Variants in CHN2 observed in about 807,000 individuals in gnomAD.
CHN2 encodes the protein beta-chimaerin.
CHN2 carries 35 observed loss-of-function variants against 56.3 expected under a neutral mutation model. That is an observed-to-expected ratio of 0.62 (90% CI 0.47 to 0.82). The LOEUF (loss-of-function observed/expected upper bound fraction) is 0.82. Ranked by LOEUF, CHN2 falls within the 40% of genes least tolerant of loss-of-function variation. CHN2 has a pLI of 0.00. For synonymous variants in CHN2, 210 were observed against 212.8 expected, an observed-to-expected ratio of 0.99 and a Z score of 0.12; for missense variants, 491 against 580.5, an observed-to-expected ratio of 0.85 and a Z score of 1.58.
In CHN2 at chr7:29,509,379, T is replaced by G; in HGVS notation, c.1208T>G (p.Leu403Arg). The G allele has an allele frequency of 6.2e-7, 1 of 1,613,822 alleles. No individual in the cohort carries two copies. The highest frequency in any genetic ancestry group is 8.5e-7 in the Non-Finnish European group (1 of 1,179,804). ...MLLPPAHYET[L>R]RYLMIHLKKV... ...CTGCCTCCTGCCCACTATGAAACCC[T>G]CCGGTACCTAATGATCCACCTCAAA... The change falls in exon 12 of 13, where the codon CTC (leucine) becomes CGC (arginine). Residue 403 changes from leucine (L) to arginine (R), a missense_variant. Coordinates refer to ENST00000222792, the MANE Select transcript of CHN2 (RefSeq NM_004067.4).
In CHN2 at chr7:29,303,327, G is replaced by A. The variant is rs1338195657; in HGVS notation, c.50-51298G>A. Reference sequence around the variant, plus strand: ...TTGATGCGCCGCCTTTGGGGCCTGCGGGAATCATTCACCTGTTCTTGTGAT... The same window carrying A: ...TTGATGCGCCGCCTTTGGGGCCTGCAGGAATCATTCACCTGTTCTTGTGAT... On this transcript the variant is annotated intron_variant, in intron 1 of 12. Coordinates refer to ENST00000222792, the MANE Select transcript of CHN2 (RefSeq NM_004067.4). Among the ~76,000 whole-genome samples, 3 of 152,190 alleles carry A rather than the reference G, an allele frequency of 2.0e-5. No homozygotes were observed. The East Asian group carries it at 5.8e-4, about 29-fold the overall frequency.
At chr7:29,511,864 G>T (rs1206122537) in intron 12 of CHN2, among the ~76,000 whole-genome samples, 1 of 152,108 alleles carries the variant, frequency 6.6e-6, no homozygotes. Context: ...CATGAGGAAG[G>T]TGTTAAACCA....
chr7:29,482,820 T>C (rs1464840393), intron 7 of CHN2, among the ~76,000 whole-genome samples: 34 of 80,520 alleles, frequency 4.2e-4, no homozygotes, highest in South Asian at 5.6e-4. Context: ...TTTTTTTTTT[T>C]TTTTTTTTTT....
chr7:29,233,482 C>G (rs567430996), intron 1 of CHN2, among the ~76,000 whole-genome samples: 1 of 152,134 alleles, frequency 6.6e-6, no homozygotes, highest in East Asian at 1.9e-4. Flanking sequence ...ATGTCGACTT[C>G]CACTTGGAAC....
intron 6 of CHN2, among the ~76,000 whole-genome samples, chr7:29,412,060 T>C (rs1226954745): frequency 6.6e-6 from 1 of 152,174 alleles, no homozygotes; most frequent in Admixed American, 6.5e-5. Context: ...AAGTTCAGGT[T>C]CATTTTAATT....
chr7:29,224,568 A>G (rs770524629), intron 1 of CHN2, among the ~76,000 whole-genome samples: 1 of 152,192 alleles, frequency 6.6e-6, no homozygotes, highest in Non-Finnish European at 1.5e-5. Flanking sequence ...TAGTCACTTA[A>G]TATCTTTGTC....
In CHN2 at chr7:29,461,860, ATGG is replaced by A. The variant is rs879664090; in HGVS notation, c.577-18418_577-18416del. Among the ~76,000 whole-genome samples, 1,278 of 152,152 alleles carry A rather than the reference ATGG, an allele frequency of 8.4e-3. 18 individuals carry two copies. Among genetic ancestry groups the A allele is most frequent in the African/African-American group, 0.028 (1,149 of 41,496 alleles). Reference sequence around the variant, plus strand: ...GATGGATGGATGGATGGATGGATGGATGGATGGATGGAAGGAAGAGAGAGGATG... The same window carrying A: ...GATGGATGGATGGATGGATGGATGGAATGGATGGAAGGAAGAGAGAGGATG... On this transcript the variant is annotated intron_variant, in intron 6 of 12. Transcript: ENST00000222792.
At chr7:29,328,770 T>C (rs940618321) in intron 1 of CHN2, among the ~76,000 whole-genome samples, 3 of 152,148 alleles carry the variant, frequency 2.0e-5, no homozygotes, top group African/African-American at 7.2e-5. Flanking sequence ...TTGTTTCTCC[T>C]TGTGCCTTAT....
chr7:29,304,819 T>G (rs1446744361), intron 1 of CHN2, among the ~76,000 whole-genome samples: 1 of 152,156 alleles, frequency 6.6e-6, no homozygotes, highest in Non-Finnish European at 1.5e-5. Context: ...CTGGACCTCT[T>G]GAATGGTTTA....
chr7:29,466,497 C>T (rs1023782356), intron 6 of CHN2, among the ~76,000 whole-genome samples: 3 of 152,126 alleles, frequency 2.0e-5, no homozygotes, highest in Admixed American at 2.0e-4. Flanking sequence ...AGGGATTTAA[C>T]CTAAATCATG....
Position 29,250,435 on chromosome 7 carries a change from C to T in CHN2, c.49+55445C>T, listed in dbSNP as rs115787541. ...CAGATAGGAGATTAACCTAGTTATG[C>T]TTCACCCATGTAAGGAGTGCATGTC... On this transcript the variant is annotated intron_variant, in intron 1 of 12. Transcript: ENST00000222792. 8.9e-3 allele frequency among the ~76,000 whole-genome samples: 1,362 copies of T among 152,298 alleles called. 19 individuals are homozygous for T. The highest frequency in any genetic ancestry group is 0.03 in the African/African-American group (1,257 of 41,566).
At chr7:29,173,949 C>A (rs192338093) in intron 2 of CHN2, among the ~76,000 whole-genome samples, 2,732 of 115,700 alleles carry the variant, frequency 0.024, 32 homozygotes, top group Admixed American at 0.044. Flanking sequence ...GAGACTGACT[C>A]AAAAAAAAAA....
chr7:29,193,688 C>G (rs527346456), upstream of CHN2: 1 of 152,214 alleles, frequency 6.6e-6, no homozygotes, highest in Non-Finnish European at 1.5e-5. Flanking sequence ...AAGGGACACA[C>G]CTTGTGCTCG....
chr7:29,188,542 A>T (rs73684610), intron 2 of CHN2, among the ~76,000 whole-genome samples: 5,435 of 149,808 alleles, frequency 0.036, 137 homozygotes, highest in African/African-American at 0.08. Flanking sequence ...TTTTTTTTTT[A>T]AAAAAAAGAG....
At chr7:29,258,109 T>G (rs913609030) in intron 1 of CHN2, among the ~76,000 whole-genome samples, 2 of 152,182 alleles carry the variant, frequency 1.3e-5, no homozygotes, top group Non-Finnish European at 2.9e-5. Context: ...GATGAAATAC[T>G]ACTTTCATCT....
chr7:29,408,553 G>A (rs933704074), intron 6 of CHN2, among the ~76,000 whole-genome samples: 2 of 152,176 alleles, frequency 1.3e-5, no homozygotes, highest in African/African-American at 4.8e-5. Context: ...AACTCTGGTG[G>A]CTACAGTTAC....
chr7:29,370,592 A>G (rs1016748008), intron 3 of CHN2, among the ~76,000 whole-genome samples: 1 of 152,030 alleles, frequency 6.6e-6, no homozygotes, highest in African/African-American at 2.4e-5. Flanking sequence ...TGGTAGCTCC[A>G]GTATACTCAA....
Position 29,367,920 on chromosome 7 carries a change from CTT to C in CHN2, c.89-7_89-6del. ...TAATTATTTCTCTCTCTCTCTCTCT[CTT>C]TTTTGGCAGTATATCAGTTACAGCA... On this transcript the variant is annotated splice_polypyrimidine_tract_variant and intron_variant, in intron 2 of 12. Coordinates refer to ENST00000222792, the MANE Select transcript of CHN2 (RefSeq NM_004067.4). The C allele has an allele frequency of 3.1e-6, 5 of 1,590,492 alleles. No individual in the cohort carries two copies. The highest frequency in any genetic ancestry group is 1.7e-5 in the Admixed American group (1 of 57,692).
chr7:29,263,201 G>A (rs548666563), intron 1 of CHN2, among the ~76,000 whole-genome samples: 129 of 152,290 alleles, frequency 8.5e-4, no homozygotes, highest in Admixed American at 2.0e-3. Context: ...ACTGGTTTTC[G>A]TATTTTTTGG....
Sources: allele counts gnomAD v4.1 joint callset (sites outside exome capture counted in the v4.1 genomes callset), GRCh38; gene constraint gnomAD v4.1.1; transcripts MANE v1.5; gene names NCBI Gene and HGNC (gene_info 2026-07-23, HGNC 2026-07-21).